The following FAF1 variants were observed in gnomAD, a reference collection of about 807,000 sequenced individuals.
The protein encoded by FAF1 is FAS-associated factor 1.
FAF1 carries 25 observed loss-of-function variants against 92.5 expected under a neutral mutation model. That is an observed-to-expected ratio of 0.27 (90% CI 0.20 to 0.38). The LOEUF is 0.38. Among genes scored for constraint, FAF1 ranks in the 10% least tolerant of loss-of-function variants. The pLI, the probability that FAF1 is intolerant of heterozygous loss-of-function variation, is 1.00. For missense variants in FAF1, 636 were observed against 793.3 expected (o/e 0.80, Z 2.38); for synonymous variants, 234 against 273.2 (o/e 0.86, Z 1.42).
At chr1:50,444,618 T>A (rs1646207314) in intron 18 of FAF1, among the ~76,000 whole-genome samples, 1 of 152,214 alleles carries the variant, frequency 6.6e-6, no homozygotes, top group South Asian at 2.1e-4. Context: ...TCTCTGTTCT[T>A]TATTTTCTTG....
chr1:50,506,096 A>G (rs762062068), intron 15 of FAF1, among the ~76,000 whole-genome samples: 3 of 152,226 alleles, frequency 2.0e-5, no homozygotes, highest in South Asian at 2.1e-4. Flanking sequence ...TTGATTAAGC[A>G]TATGAGGGCA....
intron 13 of FAF1, among the ~76,000 whole-genome samples, chr1:50,550,802 C>G (rs1649276940): frequency 6.6e-6 from 1 of 152,146 alleles, no homozygotes; most frequent in Admixed American, 6.5e-5. Context: ...CCTAAGGACT[C>G]TCAAATAAAA....
intron 15 of FAF1, among the ~76,000 whole-genome samples, chr1:50,531,271 G>C (rs1648152726): frequency 6.6e-6 from 1 of 152,114 alleles, no homozygotes; most frequent in Non-Finnish European, 1.5e-5. Context: ...AATCAGAGAG[G>C]TAAGCCTGGA....
rs532533395 is a variant in FAF1, at chr1:50,941,555, C to T, written c.45+18212G>A. ...CAAGTTTTTTGTAGAGACAAGATCTCACTATACTGCCCAGGCAATACTGAA... is the reference window on the plus strand; with the variant it reads ...CAAGTTTTTTGTAGAGACAAGATCTTACTATACTGCCCAGGCAATACTGAA... On this transcript the variant is annotated intron_variant, in intron 1 of 18. Coordinates refer to ENST00000396153, the MANE Select transcript of FAF1 (RefSeq NM_007051.3). 4.6e-5 allele frequency among the ~76,000 whole-genome samples: 7 copies of T among 152,228 alleles called. No homozygotes were observed. In the South Asian group the frequency reaches 1.5e-3, roughly 32 times the overall value.
intron 2 of FAF1, among the ~76,000 whole-genome samples, chr1:50,808,214 G>A (rs1043410672): frequency 2.6e-5 from 4 of 152,134 alleles, no homozygotes; most frequent in African/African-American, 9.7e-5. Flanking sequence ...CAAATGCTAA[G>A]GGAATTTGTT....
chr1:50,513,496 A>T (rs1220969359), intron 15 of FAF1, among the ~76,000 whole-genome samples: 1 of 152,186 alleles, frequency 6.6e-6, no homozygotes, highest in East Asian at 1.9e-4. Flanking sequence ...GTCTCAAAAA[A>T]AAAGAATTCC....
At chr1:50,849,745 G>A (rs1644332747) in intron 2 of FAF1, among the ~76,000 whole-genome samples, 1 of 152,070 alleles carries the variant, frequency 6.6e-6, no homozygotes, top group Non-Finnish European at 1.5e-5. Flanking sequence ...AAAAAAAAGA[G>A]TCAAAATGCC....
intron 3 of FAF1, among the ~76,000 whole-genome samples, chr1:50,788,788 G>C (rs1030475718): frequency 1.3e-5 from 2 of 152,142 alleles, no homozygotes; most frequent in Non-Finnish European, 2.9e-5. Flanking sequence ...CTATAAAATA[G>C]AGGGGATATC....
At chr1:50,891,834 G>A (rs748527889) in intron 1 of FAF1, among the ~76,000 whole-genome samples, 12 of 152,204 alleles carry the variant, frequency 7.9e-5, no homozygotes, top group South Asian at 4.1e-4. Flanking sequence ...CAGTCTGTCC[G>A]TTCTCAGATC....
intron 5 of FAF1, among the ~76,000 whole-genome samples, chr1:50,739,923 C>A (rs1174003469): frequency 6.6e-6 from 1 of 152,084 alleles, no homozygotes; most frequent in South Asian, 2.1e-4. Flanking sequence ...AAACTCCTAA[C>A]CTGAAGGTAA....
chr1:50,903,441 CATCTT>C (rs1160421938), intron 1 of FAF1, among the ~76,000 whole-genome samples: 1 of 152,082 alleles, frequency 6.6e-6, no homozygotes, highest in African/African-American at 2.4e-5. Context: ...GTAGCTCTGT[CATCTT>C]ATAACTATAT....
chr1:50,893,589 G>A (rs1369723583), intron 1 of FAF1, among the ~76,000 whole-genome samples: 4 of 152,142 alleles, frequency 2.6e-5, no homozygotes, highest in East Asian at 1.9e-4. Context: ...GGGGTGGGGT[G>A]ACACAAGTAC....
intron 7 of FAF1, among the ~76,000 whole-genome samples, chr1:50,693,997 CATT>C (rs1248810445): frequency 8.6e-5 from 10 of 116,918 alleles, no homozygotes; most frequent in Non-Finnish European, 1.3e-4. Flanking sequence ...GTATATGTGT[CATT>C]ATATATATAC....
intron 1 of FAF1, 88 bp from the exon 2 acceptor site, chr1:50,858,085 A>T: frequency 1.1e-6 from 1 of 880,596 alleles, no homozygotes; most frequent in Non-Finnish European, 1.8e-6. Flanking sequence ...CATAATATGT[A>T]ATTTAAATTC....
intron 8 of FAF1, among the ~76,000 whole-genome samples, chr1:50,598,268 C>G (rs1322803997): frequency 6.6e-6 from 1 of 151,906 alleles, no homozygotes; most frequent in Non-Finnish European, 1.5e-5. Flanking sequence ...TGTACTCCAG[C>G]TTGGGTGACA....
intron 13 of FAF1, among the ~76,000 whole-genome samples, chr1:50,543,717 C>T (rs1023036843): frequency 2.0e-5 from 3 of 151,344 alleles, no homozygotes; most frequent in Middle Eastern, 3.4e-3. Context: ...CAGGAAGATA[C>T]ATTAGCAAAG....
chr1:50,497,499 G>C (rs1646912879), intron 15 of FAF1, among the ~76,000 whole-genome samples: 1 of 150,910 alleles, frequency 6.6e-6, no homozygotes, highest in Non-Finnish European at 1.5e-5. Context: ...CTAGAAATGG[G>C]AGCTTCATAG....
intron 6 of FAF1, among the ~76,000 whole-genome samples, chr1:50,726,640 T>C (rs1307760382): frequency 6.6e-6 from 1 of 152,054 alleles, no homozygotes; most frequent in Non-Finnish European, 1.5e-5. Flanking sequence ...CCATCCTGGC[T>C]AACACAGTGA....
chr1:50,735,434 A>G (rs983540571), intron 6 of FAF1, among the ~76,000 whole-genome samples: 6 of 152,304 alleles, frequency 3.9e-5, no homozygotes, highest in Admixed American at 3.9e-4. Context: ...TCTGAAACAC[A>G]TAATTTACTT....
Sources: allele counts gnomAD v4.1 joint callset (sites outside exome capture counted in the v4.1 genomes callset), GRCh38; gene constraint gnomAD v4.1.1; transcripts MANE v1.5; gene names NCBI Gene and HGNC (gene_info 2026-07-23, HGNC 2026-07-21).